SMYD4: variants seen among roughly 807,000 people sequenced by gnomAD.
SMYD4 encodes the protein protein-lysine N-methyltransferase SMYD4.
Under a neutral mutation model 72.8 loss-of-function variants are expected in SMYD4, and 68 were observed. That is an observed-to-expected ratio of 0.93 (90% CI 0.77 to 1.14). The LOEUF (loss-of-function observed/expected upper bound fraction) is 1.14, where lower values mean the gene tolerates loss of function less well. Among genes scored for constraint, SMYD4 ranks in the 50% most tolerant of loss-of-function variants. The pLI is 0.00. For synonymous variants in SMYD4, 407 were observed against 388.6 expected (o/e 1.05, Z -0.56); for missense variants, 984 against 1,003.7 (o/e 0.98, Z 0.27).
intron 5 of SMYD4, among the ~76,000 whole-genome samples, chr17:1,789,752 G>C (rs997008918): frequency 2.2e-5 from 1 of 44,812 alleles, no homozygotes; most frequent in Non-Finnish European, 8.4e-5. Context: ...GTGAAAGAGC[G>C]AGACTCTGTC....
At position 1,800,206 on chromosome 17, in the gene SMYD4, C is replaced by T; in HGVS notation, c.1188G>A (p.Gly396=). Residue 396 remains glycine, a synonymous_variant, in exon 5 of 11, where the codon GGG becomes GGA. Coordinates refer to ENST00000305513, the MANE Select transcript of SMYD4 (RefSeq NM_052928.3). ...CGATGTTGCCATTTTTCTCACTCTC[C>T]CCTAGGCCATAATTAAGTGTCTTGA... ...NQVKTLNYGL[G]ESEKNGNIVE... is the part of the protein sequence containing the mutation. 1 of 1,613,626 alleles carries T rather than the reference C, an allele frequency of 6.2e-7. No individual in the cohort carries two copies. The highest frequency in any genetic ancestry group is 8.5e-7 in the Non-Finnish European group (1 of 1,179,656).
At chr17:1,805,695 C>G (rs185116075) in intron 3 of SMYD4, among the ~76,000 whole-genome samples, 50 of 151,756 alleles carry the variant, frequency 3.3e-4, no homozygotes, top group African/African-American at 1.1e-3. Flanking sequence ...GCCTGTAATC[C>G]CAGTTACTCG....
chr17:1,796,650 T>G (rs1284298325), intron 5 of SMYD4, among the ~76,000 whole-genome samples: 2 of 152,004 alleles, frequency 1.3e-5, no homozygotes, highest in Non-Finnish European at 2.9e-5. Flanking sequence ...TTGGCCAGGA[T>G]GGTCTTGATC....
intron 5 of SMYD4, among the ~76,000 whole-genome samples, chr17:1,796,323 G>C (rs1433965506): frequency 4.0e-5 from 3 of 75,460 alleles, no homozygotes. Context: ...TTTTTGTAGA[G>C]ATGGGTCTTG....
chr17:1,804,750 G>GA (rs1388968945), intron 3 of SMYD4, 35 bp from the exon 4 acceptor site: 1 of 1,592,224 alleles, frequency 6.3e-7, no homozygotes, highest in Non-Finnish European at 8.6e-7. Context: ...AGTATAAATG[G>GA]ACACCAGCAT....
At chr17:1,803,641 A>G (rs1909883500) in intron 4 of SMYD4, among the ~76,000 whole-genome samples, 2 of 152,156 alleles carry the variant, frequency 1.3e-5, no homozygotes, top group South Asian at 4.2e-4. Context: ...CTGGGATTAC[A>G]GGCGCCCACC....
At chr17:1,825,147 G>A (rs1911100239) in intron 2 of SMYD4, among the ~76,000 whole-genome samples, 1 of 152,092 alleles carries the variant, frequency 6.6e-6, no homozygotes, top group South Asian at 2.1e-4. Context: ...ACATGAGTAG[G>A]AATTTAATTT....
In SMYD4 at chr17:1,787,406, C is replaced by T. The variant is rs570096667; in HGVS notation, c.1720+16G>A. Reference sequence around the variant, plus strand: ...GTTGGAGAAGGGCAGGATGGCAGTGCGGAGGGATGGCTCACCATAGCAGTG... The same window carrying T: ...GTTGGAGAAGGGCAGGATGGCAGTGTGGAGGGATGGCTCACCATAGCAGTG... On this transcript the variant is annotated intron_variant, in intron 6 of 10. Transcript: ENST00000305513. The T allele has an allele frequency of 3.2e-5, 50 of 1,551,878 alleles. No homozygotes were observed. Among genetic ancestry groups the T allele is most frequent in the Admixed American group, 7.8e-5 (4 of 51,080 alleles).
rs1218142301 is a variant in SMYD4, at chr17:1,783,425, A to G, written c.2072T>C (p.Leu691Pro). ...SGCQRDAESF[L>P]WAEHAVVGEI... is the part of the protein sequence containing the mutation. ...TCCCACCACGGCGTGCTCTGCCCACAGGAAGCTCTCGGCGTCACGCTGGCA... is the reference window on the plus strand; with the variant it reads ...TCCCACCACGGCGTGCTCTGCCCACGGGAAGCTCTCGGCGTCACGCTGGCA... The change falls in exon 9 of 11, where the codon CTG (leucine) becomes CCG (proline). Residue 691 changes from leucine to proline, a missense_variant. By Grantham distance (98) the Leu-to-Pro change is moderately conservative. Coordinates refer to ENST00000305513, the MANE Select transcript of SMYD4 (RefSeq NM_052928.3). 1 of 1,612,784 alleles carries G rather than the reference A, an allele frequency of 6.2e-7. No homozygotes were observed. The highest frequency in any genetic ancestry group is 1.3e-5 in the African/African-American group (1 of 74,898).
chr17:1,787,322 A>G, intron 6 of SMYD4, 100 bp downstream of exon 6: 2 of 1,432,750 alleles, frequency 1.4e-6, no homozygotes, highest in Non-Finnish European at 1.9e-6. Context: ...GGAAGCAGAC[A>G]GTAGACAGGT....
chr17:1,804,517 G>T, intron 4 of SMYD4, 109 bp downstream of exon 4: 2 of 970,804 alleles, frequency 2.1e-6, no homozygotes, highest in Non-Finnish European at 3.2e-6. Context: ...ACCAATAGCA[G>T]CATGACATGA....
At chr17:1,826,513 A>AG (rs1911184540) in intron 2 of SMYD4, among the ~76,000 whole-genome samples, 2 of 109,854 alleles carry the variant, frequency 1.8e-5, no homozygotes, top group African/African-American at 2.8e-5. Context: ...AAAAAAAAAA[A>AG]AAAAAGAAAA....
chr17:1,804,499 C>T, intron 4 of SMYD4, 127 bp downstream of exon 4: 1 of 823,074 alleles, frequency 1.2e-6, no homozygotes, highest in Non-Finnish European at 2.0e-6. Context: ...TAATGTGCTT[C>T]CAATTCAACC....
chr17:1,829,855 C>A lies in SMYD4; in HGVS notation c.-142G>T, dbSNP rs1222746148. The A allele has an allele frequency of 1.2e-5, 4 of 331,846 alleles. No individual in the cohort carries two copies. The highest frequency in any genetic ancestry group is 2.2e-5 in the African/African-American group (1 of 45,982). 20.6% of individuals were successfully genotyped at this position (331,846 alleles called of 1,614,324 possible). A position where few individuals can be genotyped will look rare whatever the true frequency, so the allele number is the denominator to read the frequency against. ...CGCCCCTTGGCGCCCCGCTCCGCCC[C>A]GCACCGCGTCCGGCGTCCCGCGCCA... is the stretch of plus-strand genomic sequence containing the variant. On this transcript the variant is annotated 5_prime_UTR_variant, in exon 1 of 11. Transcript: ENST00000305513.
At chr17:1,784,059 A>AC (rs1387954896) in intron 8 of SMYD4, among the ~76,000 whole-genome samples, 1 of 152,224 alleles carries the variant, frequency 6.6e-6, no homozygotes, top group Admixed American at 6.5e-5. Context: ...GTCAGCGATG[A>AC]CCCGTTAGTT....
intron 2 of SMYD4, among the ~76,000 whole-genome samples, chr17:1,819,338 CAGAGAG>C: frequency 6.6e-6 from 1 of 152,088 alleles, no homozygotes; most frequent in Non-Finnish European, 1.5e-5. Flanking sequence ...GCCTGGGAGA[CAGAGAG>C]AGACTACGTC....
At chr17:1,785,136 T>C (rs1475957248) in intron 7 of SMYD4, among the ~76,000 whole-genome samples, 16 of 145,014 alleles carry the variant, frequency 1.1e-4, no homozygotes, top group Non-Finnish European at 7.6e-5. Flanking sequence ...AGAAAACCAA[T>C]AGAAGGCCAG....
At chr17:1,789,607 T>C (rs1908899351) in intron 5 of SMYD4, among the ~76,000 whole-genome samples, 2 of 151,306 alleles carry the variant, frequency 1.3e-5, no homozygotes, top group Non-Finnish European at 2.9e-5. Flanking sequence ...CTACCAAAAA[T>C]ATAAAAACTT....
chr17:1,783,604 T>A, intron 8 of SMYD4, 128 bp from the exon 9 acceptor site: 1 of 1,437,712 alleles, frequency 7.0e-7, no homozygotes, highest in Non-Finnish European at 9.2e-7. Flanking sequence ...CCCTGGGTTG[T>A]CACCAACGCA....
Sources: gnomAD v4.1 joint callset for allele counts (sites outside exome capture counted in the v4.1 genomes callset) on GRCh38, gnomAD v4.1.1 for gene constraint, MANE v1.5 for transcripts, NCBI Gene and HGNC (gene_info 2026-07-23, HGNC 2026-07-21) for gene names.